Variants in ULK4 observed in about 807,000 individuals in gnomAD.
The protein encoded by ULK4 is unc-51 like kinase 4, also known as inactive serine/threonine-protein kinase ULK4.
ULK4 carries 133 observed loss-of-function variants against 160.6 expected under a neutral mutation model. The observed-to-expected ratio is 0.83, with a 90% CI of 0.72 to 0.96. The LOEUF is 0.96. Ranked by LOEUF, ULK4 falls within the 40% of genes least tolerant of loss-of-function variation. ULK4 has a pLI of 0.00. For missense variants in ULK4, 1,580 were observed against 1,499.5 expected (o/e 1.05, Z -0.89); for synonymous variants, 534 against 539.8 (o/e 0.99, Z 0.15).
At chr3:41,505,902 A>C (rs1270074584) in intron 32 of ULK4, among the ~76,000 whole-genome samples, 1 of 152,150 alleles carries the variant, frequency 6.6e-6, no homozygotes, top group Non-Finnish European at 1.5e-5. Context: ...TTTCAGGGTG[A>C]AATTTTCAAT....
intron 34 of ULK4, among the ~76,000 whole-genome samples, chr3:41,403,776 G>C (rs2082234184): frequency 1.3e-5 from 2 of 152,046 alleles, no homozygotes; most frequent in East Asian, 1.9e-4. Flanking sequence ...TGTAGCCTAC[G>C]TATTTTGATA....
intron 22 of ULK4, among the ~76,000 whole-genome samples, chr3:41,753,246 T>C (rs1224097345): frequency 6.6e-6 from 1 of 152,124 alleles, no homozygotes; most frequent in Non-Finnish European, 1.5e-5. Context: ...ATTTGTTGTC[T>C]TGTTTGTTAT....
chr3:41,609,643 T>G (rs1003942241), intron 31 of ULK4, among the ~76,000 whole-genome samples: 17 of 152,198 alleles, frequency 1.1e-4, no homozygotes, highest in African/African-American at 3.9e-4. Flanking sequence ...TTTAAAAGTA[T>G]CTTCCTAAGT....
intron 35 of ULK4, among the ~76,000 whole-genome samples, chr3:41,369,495 TAA>T (rs36119223): frequency 0.038 from 5,552 of 145,538 alleles, 272 homozygotes; most frequent in East Asian, 0.2. Context: ...ACCCTGTCTT[TAA>T]AAAAAAAAAA....
intron 34 of ULK4, among the ~76,000 whole-genome samples, chr3:41,417,397 A>C (rs1423124203): frequency 6.6e-6 from 1 of 152,172 alleles, no homozygotes; most frequent in Non-Finnish European, 1.5e-5. Context: ...GAAACACCTG[A>C]AAGAGGGAGG....
At chr3:41,603,329 G>A (rs994027029) in intron 31 of ULK4, among the ~76,000 whole-genome samples, 1 of 151,946 alleles carries the variant, frequency 6.6e-6, no homozygotes, top group East Asian at 1.9e-4. Flanking sequence ...CAACAAAGGT[G>A]TAAAACACTG....
At chr3:41,935,707 T>C in intron 4 of ULK4, 94 bp downstream of exon 4, 3 of 1,415,132 alleles carry the variant, frequency 2.1e-6, no homozygotes, top group Non-Finnish European at 2.8e-6. Flanking sequence ...AGATATTCTA[T>C]ACCAAAATTT....
At chr3:41,559,553 T>G (rs1031918844) in intron 32 of ULK4, among the ~76,000 whole-genome samples, 1 of 151,548 alleles carries the variant, frequency 6.6e-6, no homozygotes, top group Non-Finnish European at 1.5e-5. Context: ...TCCTGACTTT[T>G]TAATGATTGC....
chr3:41,950,406 G>A (rs1388843307), intron 2 of ULK4, among the ~76,000 whole-genome samples: 1 of 152,076 alleles, frequency 6.6e-6, no homozygotes, highest in East Asian at 1.9e-4. Flanking sequence ...ATGCCCGGCT[G>A]ATTTTTTTGT....
At chr3:41,537,555 G>A (rs572461315) in intron 32 of ULK4, among the ~76,000 whole-genome samples, 1 of 152,246 alleles carries the variant, frequency 6.6e-6, no homozygotes, top group East Asian at 1.9e-4. Context: ...GTGGCAAGTA[G>A]ACCATGCTGA....
chr3:41,563,673 G>T (rs989884041), intron 32 of ULK4, among the ~76,000 whole-genome samples: 1 of 151,968 alleles, frequency 6.6e-6, no homozygotes, highest in Non-Finnish European at 1.5e-5. Context: ...TTGTGCATGC[G>T]TCACGAAGTT....
chr3:41,883,635 G>C (rs1270585599), intron 17 of ULK4, among the ~76,000 whole-genome samples: 2 of 152,028 alleles, frequency 1.3e-5, no homozygotes, highest in African/African-American at 4.8e-5. Context: ...ATGAAATAAT[G>C]ATGAGTAGAG....
chr3:41,445,641 T>C (rs1290685705), intron 34 of ULK4, among the ~76,000 whole-genome samples: 3 of 152,192 alleles, frequency 2.0e-5, no homozygotes, highest in Admixed American at 6.5e-5. Context: ...CCCTATTTAA[T>C]AAATGGTGCT....
chr3:41,908,859 G>A (rs145940573), intron 11 of ULK4, among the ~76,000 whole-genome samples: 19,009 of 152,040 alleles, frequency 0.13, 1,365 homozygotes, highest in Middle Eastern at 0.27. Flanking sequence ...TTGGGAGGCC[G>A]AGGTGGTCAG....
intron 35 of ULK4, among the ~76,000 whole-genome samples, chr3:41,314,815 CTGTGTG>C (rs35458996): frequency 6.7e-6 from 1 of 149,462 alleles, no homozygotes; most frequent in Non-Finnish European, 1.5e-5. Context: ...TGCAGTGTGT[CTGTGTG>C]TGTGTGTGTG....
intron 16 of ULK4, among the ~76,000 whole-genome samples, chr3:41,894,133 G>C (rs1698071453): frequency 1.3e-5 from 2 of 152,196 alleles, no homozygotes; most frequent in South Asian, 4.1e-4. Context: ...TGATACAGAA[G>C]GATGACTGTA....
At chr3:41,534,575 C>A (rs531812668) in intron 32 of ULK4, among the ~76,000 whole-genome samples, 48 of 149,134 alleles carry the variant, frequency 3.2e-4, no homozygotes, top group Non-Finnish European at 6.2e-4. Flanking sequence ...TCAGTAACTA[C>A]ACTTAACAGT....
In ULK4 at chr3:41,824,805, T is replaced by C. The variant is rs985471710; in HGVS notation, c.1765-5299A>G. 1.3e-4 allele frequency among the ~76,000 whole-genome samples: 20 copies of C among 152,192 alleles called. No individual in the cohort carries two copies. The East Asian group carries it at 3.3e-3, about 25-fold the overall frequency. The stretch of plus-strand genomic sequence containing the variant: ...ACTTAAATGTCCCTGTCTGCCAGCT[T>C]TGAAGAGAGTAGTGGTTCTCCCAGC... On this transcript the variant is annotated intron_variant, in intron 18 of 36. Transcript: ENST00000301831.
intron 11 of ULK4, among the ~76,000 whole-genome samples, chr3:41,910,814 T>C (rs1698755178): frequency 6.6e-6 from 1 of 151,868 alleles, no homozygotes; most frequent in Non-Finnish European, 1.5e-5. Flanking sequence ...TACAAAAAAA[T>C]TAGCCAGGCA....
Sources: allele counts gnomAD v4.1 joint callset (sites outside exome capture counted in the v4.1 genomes callset), GRCh38; gene constraint gnomAD v4.1.1; transcripts MANE v1.5; gene names NCBI Gene and HGNC (gene_info 2026-07-23, HGNC 2026-07-21).